COLEC12: variants seen among roughly 807,000 people sequenced by gnomAD.
The protein encoded by COLEC12 is collectin-12.
A neutral mutation model predicts 71.1 loss-of-function variants in COLEC12; 33 were observed. The observed-to-expected ratio is 0.46, with a 90% CI of 0.35 to 0.62. The LOEUF (loss-of-function observed/expected upper bound fraction) is 0.62, where lower values mean the gene tolerates loss of function less well. Ranked by LOEUF, COLEC12 falls within the 20% of genes least tolerant of loss-of-function variation. The pLI, the probability that COLEC12 is intolerant of heterozygous loss-of-function variation, is 0.00. For synonymous variants in COLEC12, 350 were observed against 353.0 expected, an observed-to-expected ratio of 0.99 and a Z score of 0.10; for missense variants, 765 against 916.1, an observed-to-expected ratio of 0.84 and a Z score of 2.13.
chr18:397,112 A>G (rs1323105791), intron 2 of COLEC12, among the ~76,000 whole-genome samples: 1 of 152,198 alleles, frequency 6.6e-6, no homozygotes, highest in Non-Finnish European at 1.5e-5. Flanking sequence ...ATCTATAGAA[A>G]GACAAGGAGA....
chr18:346,361 T>C lies in COLEC12; in HGVS notation c.1261A>G (p.Met421Val). ...GAGTCTACTAGCTTCATTTCTTCCA[T>C]AATCACTGATAAGTTGGCTACTTCA... ...DTEVANLSVI[M>V]EEMKLVDSKH... is the part of the protein sequence containing the mutation. Residue 421 changes from methionine (M) to valine (V), a missense_variant, in exon 5 of 10, where the codon ATG becomes GTG. Transcript: ENST00000400256. The surrounding 1 kb of genome is among the most constrained non-coding windows in gnomAD (Gnocchi z 4.0). 1 of 1,614,142 alleles carries C rather than the reference T, an allele frequency of 6.2e-7. No individual in the cohort carries two copies. Among genetic ancestry groups the C allele is most frequent in the Non-Finnish European group, 8.5e-7 (1 of 1,180,008 alleles).
In COLEC12 at chr18:316,738, C is replaced by T. The variant is rs1480276561; in HGVS notation, c.*3307G>A. 2 of 152,036 alleles carry T rather than the reference C, an allele frequency of 1.3e-5. No homozygotes were observed. The highest frequency in any genetic ancestry group is 4.8e-5 in the African/African-American group (2 of 41,410). 9.4% of individuals were successfully genotyped at this position (152,036 alleles called of 1,614,324 possible). On this transcript the variant is annotated 3_prime_UTR_variant, in exon 10 of 10. Coordinates refer to ENST00000400256, the MANE Select transcript of COLEC12 (RefSeq NM_130386.3). ...AAGGAACGAGTTGTTGAACATTGAT[C>T]GTAGAAAAGGAAAAGAAAGTTTTTA... is the stretch of plus-strand genomic sequence containing the variant.
At chr18:326,399 GT>G (rs1409924473) in intron 8 of COLEC12, among the ~76,000 whole-genome samples, 4 of 152,302 alleles carry the variant, frequency 2.6e-5, no homozygotes, top group African/African-American at 9.6e-5. Context: ...CCAGGCTGGA[GT>G]GCTGTGGTGC....
intron 2 of COLEC12, among the ~76,000 whole-genome samples, chr18:444,526 C>A (rs1385036182): frequency 1.3e-5 from 2 of 152,096 alleles, no homozygotes; most frequent in African/African-American, 2.4e-5. Context: ...ATATAAGAAG[C>A]AGTTTTCATG....
In COLEC12 at chr18:327,885, T is replaced by C. The variant is rs1362496110; in HGVS notation, c.2063+3783A>G. Among the ~76,000 whole-genome samples the C allele has an allele frequency of 6.6e-6, 1 of 152,270 alleles. No individual in the cohort carries two copies. The highest frequency in any genetic ancestry group is 1.5e-5 in the Non-Finnish European group (1 of 68,046). ...ACTGGTGCTAACTCTTCTTTGAATG[T>C]TTGGTAGAATTTGGCTGTGAAGCCA... On this transcript the variant is annotated intron_variant, in intron 8 of 9. Coordinates refer to ENST00000400256, the MANE Select transcript of COLEC12 (RefSeq NM_130386.3). The surrounding 1 kb of genome is among the most constrained non-coding windows in gnomAD (Gnocchi z 4.0).
chr18:481,550 C>CA (rs1917417266), intron 1 of COLEC12, among the ~76,000 whole-genome samples: 1 of 152,086 alleles, frequency 6.6e-6, no homozygotes, highest in Non-Finnish European at 1.5e-5. Context: ...ACTAAAAATA[C>CA]AAAATTAGCC....
At chr18:349,411 G>A (rs967883763) in intron 3 of COLEC12, among the ~76,000 whole-genome samples, 1 of 152,220 alleles carries the variant, frequency 6.6e-6, no homozygotes, top group Non-Finnish European at 1.5e-5. Flanking sequence ...GAGGATGTAT[G>A]GGAACTCTTG....
At chr18:369,390 T>TA (rs1234564085) in intron 2 of COLEC12, among the ~76,000 whole-genome samples, 3 of 144,678 alleles carry the variant, frequency 2.1e-5, no homozygotes, top group Admixed American at 6.8e-5. Flanking sequence ...CAGATCTTTT[T>TA]TTTTTTATTT....
At chr18:351,046 T>C (rs569633624) in intron 3 of COLEC12, among the ~76,000 whole-genome samples, 1 of 151,946 alleles carries the variant, frequency 6.6e-6, no homozygotes, top group East Asian at 1.9e-4. Flanking sequence ...ATTGTATTCA[T>C]CACATGTTCT....
intron 2 of COLEC12, among the ~76,000 whole-genome samples, chr18:451,869 G>A (rs1222328783): frequency 6.6e-6 from 1 of 152,166 alleles, no homozygotes; most frequent in Non-Finnish European, 1.5e-5. Context: ...CCAGGGGGAG[G>A]AAATCAAGGT....
At chr18:458,257 T>G (rs529433549) in intron 2 of COLEC12, among the ~76,000 whole-genome samples, 1 of 152,248 alleles carries the variant, frequency 6.6e-6, no homozygotes, top group Admixed American at 6.5e-5. Context: ...TAACATACCC[T>G]TGGAGCATCT....
Position 480,804 on chromosome 18 carries a change from GA to G in COLEC12, c.8-48del, listed in dbSNP as rs767615517. On this transcript the variant is annotated intron_variant, in intron 1 of 9. Transcript: ENST00000400256. This position sits in a 1 kb window ranked among gnomAD's most constrained non-coding sequence, Gnocchi z 4.1. The stretch of plus-strand genomic sequence containing the variant: ...GATGTTAATCCTGGCAAGGGGCACA[GA>G]AGCAGAGGGTGGGGCAGGATGCGAC... The G allele has an allele frequency of 7.8e-6, 12 of 1,539,038 alleles. No homozygotes were observed. In the East Asian group the frequency reaches 2.5e-4, roughly 32 times the overall value.
intron 8 of COLEC12, among the ~76,000 whole-genome samples, chr18:323,818 G>C (rs892039942): frequency 6.6e-6 from 1 of 151,976 alleles, no homozygotes; most frequent in African/African-American, 2.4e-5. Context: ...TGACTTCTTT[G>C]GGCTTAGAAG....
intron 2 of COLEC12, among the ~76,000 whole-genome samples, chr18:447,555 C>G (rs1916677183): frequency 6.6e-6 from 1 of 152,180 alleles, no homozygotes; most frequent in Non-Finnish European, 1.5e-5. Flanking sequence ...CATACAGGCA[C>G]TCCAGGAAAA....
intron 2 of COLEC12, among the ~76,000 whole-genome samples, chr18:379,985 A>G (rs1055323702): frequency 7.3e-5 from 11 of 150,646 alleles, no homozygotes; most frequent in Admixed American, 4.6e-4. Context: ...TAAGAGCTTT[A>G]TTTTTTTTTT....
At chr18:438,827 T>C (rs1248771449) in intron 2 of COLEC12, among the ~76,000 whole-genome samples, 1 of 151,298 alleles carries the variant, frequency 6.6e-6, no homozygotes, top group Non-Finnish European at 1.5e-5. Flanking sequence ...AAATACTCAT[T>C]TTGGAAAGTC....
At chr18:428,313 C>T (rs1366496691) in intron 2 of COLEC12, among the ~76,000 whole-genome samples, 1 of 151,866 alleles carries the variant, frequency 6.6e-6, no homozygotes, top group Non-Finnish European at 1.5e-5. Context: ...CAGTGTTTAC[C>T]ACAGGCCTTG....
At chr18:431,664 G>C (rs1383389397) in intron 2 of COLEC12, among the ~76,000 whole-genome samples, 1 of 152,134 alleles carries the variant, frequency 6.6e-6, no homozygotes, top group East Asian at 1.9e-4. Context: ...TACACAGCTG[G>C]GTGGAGAGGT....
intron 8 of COLEC12, among the ~76,000 whole-genome samples, chr18:324,757 A>G (rs933189266): frequency 1.3e-5 from 2 of 152,116 alleles, no homozygotes; most frequent in Non-Finnish European, 2.9e-5. Context: ...TGAAGCCAGG[A>G]GGTGAAGGTT....
Sources: gnomAD v4.1 joint callset for allele counts (sites outside exome capture counted in the v4.1 genomes callset) on GRCh38, gnomAD v4.1.1 for gene constraint, Gnocchi (gnomAD v3.1) non-coding constraint, MANE v1.5 for transcripts, NCBI Gene and HGNC (gene_info 2026-07-23, HGNC 2026-07-21) for gene names.